Variants in AHR observed in about 807,000 individuals in gnomAD.
AHR encodes the protein AH-receptor.
A neutral mutation model predicts 86.8 loss-of-function variants in AHR; 40 were observed. The observed-to-expected ratio is 0.46, with a 90% CI of 0.36 to 0.60. The LOEUF (loss-of-function observed/expected upper bound fraction) is 0.60, where lower values mean the gene tolerates loss of function less well. AHR is among the 20% of genes least tolerant of loss of function. The pLI is 0.00. For missense variants in AHR, 1,001 were observed against 1,011.6 expected, an observed-to-expected ratio of 0.99 and a Z score of 0.14; for synonymous variants, 398 against 354.9, an observed-to-expected ratio of 1.12 and a Z score of -1.37.
rs76602446 is a variant in AHR at position 17,300,004 on chromosome 7, C to T, written c.65+675C>T. ...ATTCTTCAGACATCTTTTTCGGAAGCTTGCTTATCACTTTTGGGGTGGCTT... is the reference window on the plus strand; with the variant it reads ...ATTCTTCAGACATCTTTTTCGGAAGTTTGCTTATCACTTTTGGGGTGGCTT... On this transcript the variant is annotated intron_variant, in intron 1 of 10. Transcript: ENST00000242057. 1.9e-3 allele frequency among the ~76,000 whole-genome samples: 295 copies of T among 152,272 alleles called. 1 individual carries two copies. Among genetic ancestry groups the T allele is most frequent in the African/African-American group, 6.5e-3 (271 of 41,550 alleles).
chr7:17,326,572 A>G (rs1021573701), intron 3 of AHR, among the ~76,000 whole-genome samples: 1 of 152,192 alleles, frequency 6.6e-6, no homozygotes, highest in Non-Finnish European at 1.5e-5. Context: ...TTCTACAACC[A>G]TATAACATTG....
intron 9 of AHR, among the ~76,000 whole-genome samples, chr7:17,337,495 G>C (rs1378036863): frequency 7.1e-6 from 1 of 140,434 alleles, no homozygotes; most frequent in African/African-American, 2.6e-5. Flanking sequence ...TTTTTTTTGA[G>C]ATGGAGTCTC....
At chr7:17,341,732 T>G (rs1782426141) in intron 10 of AHR, among the ~76,000 whole-genome samples, 1 of 152,168 alleles carries the variant, frequency 6.6e-6, no homozygotes, top group South Asian at 2.1e-4. Flanking sequence ...AATGATTAGT[T>G]TTTTCAGTAG....
chr7:17,326,543 T>C (rs1300444858), intron 3 of AHR, among the ~76,000 whole-genome samples: 1 of 152,216 alleles, frequency 6.6e-6, no homozygotes, highest in Non-Finnish European at 1.5e-5. Flanking sequence ...CATGGTGATA[T>C]AAATCTTTAT....
chr7:17,336,326 G>T (rs561405841), intron 9 of AHR, among the ~76,000 whole-genome samples: 3 of 152,064 alleles, frequency 2.0e-5, no homozygotes, highest in Admixed American at 6.5e-5. Flanking sequence ...CGGCTGCGCT[G>T]TATTTTGATC....
chr7:17,334,454 G>T (rs1782333908), intron 7 of AHR, among the ~76,000 whole-genome samples: 1 of 151,940 alleles, frequency 6.6e-6, no homozygotes, highest in African/African-American at 2.4e-5. Flanking sequence ...TCAGAAAATT[G>T]TGAGCAGGAG....
At position 17,343,866 on chromosome 7, in the gene AHR, C is replaced by G. The variant is rs1201642787; in HGVS notation, c.*802C>G. On this transcript the variant is annotated 3_prime_UTR_variant, in exon 11 of 11. Transcript: ENST00000242057. ...CTAGACTATAAATGTTGCTATGTGC[C>G]TTATGTTGAAAAAATTTAAAAGTAA... 1 of 152,164 alleles carries G rather than the reference C, an allele frequency of 6.6e-6. No homozygotes were observed. Among genetic ancestry groups the G allele is most frequent in the African/African-American group, 2.4e-5 (1 of 41,290 alleles). 9.4% of individuals were successfully genotyped at this position (152,164 alleles called of 1,614,324 possible).
intron 1 of AHR, among the ~76,000 whole-genome samples, chr7:17,304,190 A>G (rs1021757367): frequency 5.3e-5 from 8 of 152,106 alleles, no homozygotes; most frequent in African/African-American, 1.9e-4. Context: ...TAAGTATAGC[A>G]TGTGAGGCCT....
chr7:17,343,846 C>CTA lies in AHR; in HGVS notation c.*785_*786dup. 1 of 152,430 alleles carries CTA rather than the reference C, an allele frequency of 6.6e-6. No homozygotes were observed. Among genetic ancestry groups the CTA allele is most frequent in the East Asian group, 1.9e-4 (1 of 5,206 alleles). 9.4% of individuals were successfully genotyped at this position (152,430 alleles called of 1,614,324 possible). A position where few individuals can be genotyped will look rare whatever the true frequency, so the allele number is the denominator to read the frequency against. On this transcript the variant is annotated 3_prime_UTR_variant, in exon 11 of 11. Transcript: ENST00000242057. Reference sequence around the variant, plus strand: ...ATTACATAATTTAGTTGTTTCTAGACTATAAATGTTGCTATGTGCCTTATG... The same window carrying CTA: ...ATTACATAATTTAGTTGTTTCTAGACTATATAAATGTTGCTATGTGCCTTATG...
Position 17,339,600 on chromosome 7 carries a change from C to T in AHR, c.1775C>T (p.Ser592Phe). Residue 592 changes from serine (S) to phenylalanine (F), a missense_variant, in exon 10 of 11, where the codon TCT becomes TTT. Physicochemically the swap from Ser to Phe is radical, Grantham distance 155. Around this residue, in one of 2 missense-constraint regions of AHR, gnomAD observed 607 missense variants for 543.1 expected, o/e 1.12. Transcript: ENST00000242057. ...TATGTCCAAGATTCTTTAAGTAAGTCTCCCTTCATACCTTCAGATTATCAA... is the reference window on the plus strand; with the variant it reads ...TATGTCCAAGATTCTTTAAGTAAGTTTCCCTTCATACCTTCAGATTATCAA... ...LTYVQDSLSKSPFIPSDYQQQ... is the reference protein window; with the variant it reads ...LTYVQDSLSKFPFIPSDYQQQ... 1 of 1,614,122 alleles carries T rather than the reference C, an allele frequency of 6.2e-7. No individual in the cohort carries two copies. Among genetic ancestry groups the T allele is most frequent in the South Asian group, 1.1e-5 (1 of 91,070 alleles).
In AHR at chr7:17,339,916, A is replaced by C; in HGVS notation, c.2091A>C (p.Thr697=). The C allele has an allele frequency of 2.5e-6, 4 of 1,614,236 alleles. No homozygotes were observed. The East Asian group carries it at 8.9e-5, about 36-fold the overall frequency. ...CTGAAATGGATTCTATGCCTTATACACAGAACTTTATTTCCTGTAATCAGC... is the reference window on the plus strand; with the variant it reads ...CTGAAATGGATTCTATGCCTTATACCCAGAACTTTATTTCCTGTAATCAGC... The part of the protein sequence containing the change: ...YKSEMDSMPY[T]QNFISCNQPV... Residue 697 remains threonine, a synonymous_variant, in exon 10 of 11, where the codon ACA becomes ACC. Transcript: ENST00000242057.
chr7:17,301,567 A>C lies in AHR; in HGVS notation c.65+2238A>C, dbSNP rs573213726. On this transcript the variant is annotated intron_variant, in intron 1 of 10. Transcript: ENST00000242057. The stretch of plus-strand genomic sequence containing the variant: ...TTAAAAAGACAGCCAATTAAATATA[A>C]ATTTTATGGAATATAAGTATTCCAT... Among the ~76,000 whole-genome samples the C allele has an allele frequency of 5.9e-5, 9 of 152,050 alleles. No individual in the cohort carries two copies. The South Asian group carries it at 1.9e-3, about 32-fold the overall frequency.
At chr7:17,322,074 A>G (rs1488809737) in intron 2 of AHR, among the ~76,000 whole-genome samples, 1 of 151,900 alleles carries the variant, frequency 6.6e-6, no homozygotes, top group Non-Finnish European at 1.5e-5. Context: ...GTTCCCTAAT[A>G]TTTCAATAAA....
chr7:17,299,025 G>T lies in AHR; in HGVS notation c.-240G>T, dbSNP rs575761640. The T allele has an allele frequency of 1.1e-4, 53 of 474,968 alleles. No homozygotes were observed. In the South Asian group the frequency reaches 2.1e-3, roughly 19 times the overall value. 29.4% of individuals were successfully genotyped at this position (474,968 alleles called of 1,614,324 possible). A position where few individuals can be genotyped will look rare whatever the true frequency, so the allele number is the denominator to read the frequency against. On this transcript the variant is annotated 5_prime_UTR_variant, in exon 1 of 11. Coordinates refer to ENST00000242057, the MANE Select transcript of AHR (RefSeq NM_001621.5). ...CCTTGCTCGCGGGTCTCCGCCCCTC[G>T]CCCACCCTCACTGCGCCAGGCCCAG... is the stretch of plus-strand genomic sequence containing the variant.
At chr7:17,302,876 A>G (rs900816523) in intron 1 of AHR, among the ~76,000 whole-genome samples, 4 of 151,946 alleles carry the variant, frequency 2.6e-5, no homozygotes, top group African/African-American at 9.7e-5. Flanking sequence ...CGTAAATTCT[A>G]TTCTTTTAGC....
chr7:17,339,909 C>G lies in AHR; in HGVS notation c.2084C>G (p.Pro695Arg). 6.2e-7 allele frequency: 1 copy of G among 1,614,148 alleles called. No homozygotes were observed. Among genetic ancestry groups the G allele is most frequent in the Non-Finnish European group, 8.5e-7 (1 of 1,180,014 alleles). The change falls in exon 10 of 11, where the codon CCT (proline) becomes CGT (arginine). Residue 695 changes from proline (P) to arginine (R), a missense_variant. Physicochemically the swap from Pro to Arg is moderately radical, Grantham distance 103. This residue lies in a region of AHR where 607 missense variants were observed against 543.1 expected (regional missense o/e 1.12). Transcript: ENST00000242057. ...FPYKSEMDSM[P>R]YTQNFISCNQ... is the part of the protein sequence containing the mutation. ...TACAAATCTGAAATGGATTCTATGC[C>G]TTATACACAGAACTTTATTTCCTGT...
chr7:17,327,736 T>C (rs747979044), intron 3 of AHR, 23 bp from the exon 4 acceptor site: 78 of 1,422,714 alleles, frequency 5.5e-5, no homozygotes, highest in Non-Finnish European at 7.4e-5. Context: ...TATTACTAAT[T>C]TTAGAACTTC....
intron 10 of AHR, 68 bp downstream of exon 10, chr7:17,340,296 T>C (rs1782406750): frequency 1.3e-6 from 2 of 1,493,972 alleles, no homozygotes; most frequent in South Asian, 1.4e-5. Flanking sequence ...ATGTTACACA[T>C]TTTTTATGTC....
intron 5 of AHR, among the ~76,000 whole-genome samples, chr7:17,330,548 T>TA (rs1414994452): frequency 6.6e-6 from 1 of 151,932 alleles, no homozygotes; most frequent in East Asian, 1.9e-4. Context: ...GATAGCTCAA[T>TA]AAAAATTTAA....
Sources: gnomAD v4.1 joint callset for allele counts (sites outside exome capture counted in the v4.1 genomes callset) on GRCh38, gnomAD v4.1.1 for gene constraint, gnomAD v4.1.1 regional missense constraint, MANE v1.5 for transcripts, NCBI Gene and HGNC (gene_info 2026-07-23, HGNC 2026-07-21) for gene names.